Variants in COBLL1 observed in about 807,000 individuals in gnomAD.
COBLL1 encodes cordon-bleu WH2 repeat protein like 1.
A neutral mutation model predicts 94.8 loss-of-function variants in COBLL1; 50 were observed. The ratio of observed to expected loss-of-function variants is 0.53; its 90% CI spans 0.42 to 0.67. The LOEUF is 0.67. Ranked by LOEUF, COBLL1 falls within the 30% of genes least tolerant of loss-of-function variation. The pLI is 0.00. For synonymous variants in COBLL1, 448 were observed against 473.8 expected, an observed-to-expected ratio of 0.95 and a Z score of 0.71; for missense variants, 1,362 against 1,348.7, an observed-to-expected ratio of 1.01 and a Z score of -0.15.
At chr2:164,698,640 A>G (rs552104250) in intron 11 of COBLL1, among the ~76,000 whole-genome samples, 163 of 151,960 alleles carry the variant, frequency 1.1e-3, no homozygotes, top group Middle Eastern at 3.4e-3. Flanking sequence ...TTTTATGAGT[A>G]TCTCAGGATT....
At chr2:164,751,557 T>C (rs1020106056) in intron 2 of COBLL1, among the ~76,000 whole-genome samples, 1 of 152,156 alleles carries the variant, frequency 6.6e-6, no homozygotes, top group Non-Finnish European at 1.5e-5. Context: ...TTAAAGGTGC[T>C]TTTGGTCTAC....
chr2:164,803,180 G>C (rs956370368), intron 2 of COBLL1, among the ~76,000 whole-genome samples: 1 of 152,182 alleles, frequency 6.6e-6, no homozygotes, highest in African/African-American at 2.4e-5. Flanking sequence ...TTTTATGTAT[G>C]TCAGTTTAAA....
At chr2:164,808,139 T>C (rs1452935074) in intron 2 of COBLL1, among the ~76,000 whole-genome samples, 1 of 152,292 alleles carries the variant, frequency 6.6e-6, no homozygotes, top group African/African-American at 2.4e-5. Context: ...TTTTAAATAA[T>C]ATCTTTGGGT....
chr2:164,748,737 G>A lies in COBLL1; in HGVS notation c.42-4862C>T, dbSNP rs150282203. 2.9e-3 allele frequency among the ~76,000 whole-genome samples: 442 copies of A among 152,144 alleles called. 1 individual carries two copies. The highest frequency in any genetic ancestry group is 9.7e-3 in the African/African-American group (403 of 41,516). On this transcript the variant is annotated intron_variant, in intron 2 of 13. Transcript: ENST00000652658. ...CAGCAAATTTCACATAAGGGTAGGT[G>A]GAGAGGAGGTTATACTGGAAAGATA...
At chr2:164,782,151 G>T (rs1410701432) in intron 2 of COBLL1, among the ~76,000 whole-genome samples, 1 of 152,102 alleles carries the variant, frequency 6.6e-6, no homozygotes, top group Non-Finnish European at 1.5e-5. Context: ...TTACAAAAGT[G>T]AGAAAAATCT....
chr2:164,835,085 A>G (rs759054991), intron 2 of COBLL1, among the ~76,000 whole-genome samples: 3 of 152,164 alleles, frequency 2.0e-5, no homozygotes, highest in Non-Finnish European at 2.9e-5. Context: ...CAAAAAAAGA[A>G]CAAACAAAAA....
chr2:164,752,678 T>C (rs1006428330), intron 2 of COBLL1, among the ~76,000 whole-genome samples: 1 of 152,028 alleles, frequency 6.6e-6, no homozygotes, highest in African/African-American at 2.4e-5. Flanking sequence ...GCAAGGGCCA[T>C]AAGCCTCAAC....
intron 11 of COBLL1, chr2:164,697,489 A>C (rs1047480360): frequency 6.6e-6 from 1 of 152,136 alleles, no homozygotes; most frequent in Non-Finnish European, 1.5e-5. Context: ...AGCATGAAAG[A>C]ATTTAAGAAA....
At position 164,841,344 on chromosome 2, in the gene COBLL1, A is replaced by T. The variant is rs1012433673; in HGVS notation, c.-50-98T>A. On this transcript the variant is annotated intron_variant, in intron 1 of 13. Transcript: ENST00000652658. This position sits in a 1 kb window ranked among gnomAD's most constrained non-coding sequence, Gnocchi z 5.5. ...GTCAAGAGCCCGCCCGAGCCGCTCC[A>T]GCCCCGGCCGGCCCGCCTCCCGGGT... is the stretch of plus-strand genomic sequence containing the variant. 2.5e-5 allele frequency: 30 copies of T among 1,198,478 alleles called. No homozygotes were observed. Among genetic ancestry groups the T allele is most frequent in the Non-Finnish European group, 2.8e-5 (27 of 966,794 alleles). 74.2% of individuals were successfully genotyped at this position (1,198,478 alleles called of 1,614,324 possible). A position where few individuals can be genotyped will look rare whatever the true frequency, so the allele number is the denominator to read the frequency against.
At chr2:164,817,695 C>T (rs1243241843) in intron 2 of COBLL1, among the ~76,000 whole-genome samples, 2 of 152,120 alleles carry the variant, frequency 1.3e-5, no homozygotes, top group Non-Finnish European at 2.9e-5. Context: ...ATTCTACATA[C>T]CACTCCTGGG....
intron 2 of COBLL1, among the ~76,000 whole-genome samples, chr2:164,756,997 G>A (rs1046307323): frequency 6.6e-6 from 1 of 152,090 alleles, no homozygotes; most frequent in Non-Finnish European, 1.5e-5. Flanking sequence ...TAGCACAATG[G>A]TTCTCAAACT....
In COBLL1 at chr2:164,728,199, T is replaced by C; in HGVS notation, c.433-2A>G. The C allele has an allele frequency of 6.3e-7, 1 of 1,584,430 alleles. No individual in the cohort carries two copies. The highest frequency in any genetic ancestry group is 8.7e-7 in the Non-Finnish European group (1 of 1,153,524). On this transcript the variant is annotated splice_acceptor_variant, in intron 4 of 13. Coordinates refer to ENST00000652658, the MANE Select transcript of COBLL1 (RefSeq NM_001365672.2). LOFTEE classifies it high-confidence loss of function. ...ATTAATCACTACTCTCACAGTTTTC[T>C]GAAACACATATTAAAGCCATAGTTG...
intron 2 of COBLL1, among the ~76,000 whole-genome samples, chr2:164,813,976 A>G (rs149772992): frequency 1.4e-3 from 208 of 152,294 alleles, no homozygotes; most frequent in African/African-American, 4.8e-3. Context: ...TTACCCAATA[A>G]GAAAACGGCA....
At chr2:164,773,826 C>T (rs1205272859) in intron 2 of COBLL1, 13 of 1,061,564 alleles carry the variant, frequency 1.2e-5, no homozygotes, top group Non-Finnish European at 1.5e-5. Flanking sequence ...TATGTGTAAG[C>T]GCCAGGCACT....
chr2:164,699,633 A>T, intron 10 of COBLL1, 134 bp from the exon 11 acceptor site: 1 of 529,674 alleles, frequency 1.9e-6, no homozygotes, highest in Non-Finnish European at 3.4e-6. Flanking sequence ...ATAATCATTT[A>T]TTTCTGCCAA....
intron 2 of COBLL1, among the ~76,000 whole-genome samples, chr2:164,805,589 TA>T (rs2105329615): frequency 6.6e-6 from 1 of 151,764 alleles, no homozygotes; most frequent in South Asian, 2.1e-4. Flanking sequence ...ATATAGTATG[TA>T]GCCTTTTCAG....
chr2:164,743,917 T>G, intron 2 of COBLL1, 42 bp from the exon 3 acceptor site: 1 of 1,350,038 alleles, frequency 7.4e-7, no homozygotes, highest in Non-Finnish European at 9.9e-7. Flanking sequence ...AATATTTTAT[T>G]TTTAAGGTAA....
rs539988251 is a variant in COBLL1 at position 164,695,645 on chromosome 2, C to G, written c.1747G>C (p.Ala583Pro). Residue 583 changes from alanine to proline, a missense_variant, in exon 12 of 14, where the codon GCT becomes CCT. Ala to Pro is a conservative substitution (Grantham distance 27). Coordinates refer to ENST00000652658, the MANE Select transcript of COBLL1 (RefSeq NM_001365672.2). The stretch of plus-strand genomic sequence containing the variant: ...AGTTTTTGATCTGGTACTGATGAAG[C>G]TGCTAGATGGTTTTCCTTGTAACTT... ...AISYKENHLAASSVPDQKLNQ... is the reference protein window; with the variant it reads ...AISYKENHLAPSSVPDQKLNQ... 1.2e-6 allele frequency: 2 copies of G among 1,613,838 alleles called. No homozygotes were observed. The highest frequency in any genetic ancestry group is 2.2e-5 in the South Asian group (2 of 91,060).
chr2:164,825,255 C>A (rs1033505030), intron 2 of COBLL1, among the ~76,000 whole-genome samples: 1 of 152,122 alleles, frequency 6.6e-6, no homozygotes, highest in African/African-American at 2.4e-5. Context: ...AATAAATTTA[C>A]AAATATTCAT....
Sources: allele counts gnomAD v4.1 joint callset (sites outside exome capture counted in the v4.1 genomes callset), GRCh38; gene constraint gnomAD v4.1.1; non-coding constraint Gnocchi (gnomAD v3.1); transcripts MANE v1.5; gene names NCBI Gene and HGNC (gene_info 2026-07-23, HGNC 2026-07-21).